MDGA2: variants seen among roughly 807,000 people sequenced by gnomAD.
The protein encoded by MDGA2 is MAM domain-containing glycosylphosphatidylinositol anchor protein 2.
Under a neutral mutation model 117.8 loss-of-function variants are expected in MDGA2, and 40 were observed. The ratio of observed to expected loss-of-function variants is 0.34; its 90% CI spans 0.26 to 0.44. The LOEUF (loss-of-function observed/expected upper bound fraction) is 0.44, where lower values mean the gene tolerates loss of function less well. Ranked by LOEUF, MDGA2 falls within the 20% of genes least tolerant of loss-of-function variation. The pLI, the probability that MDGA2 is intolerant of heterozygous loss-of-function variation, is 1.00. For missense variants in MDGA2, 1,123 were observed against 1,250.6 expected, an observed-to-expected ratio of 0.90 and a Z score of 1.54; for synonymous variants, 452 against 439.0, an observed-to-expected ratio of 1.03 and a Z score of -0.37.
At chr14:47,236,329 G>T (rs1357962372) in intron 2 of MDGA2, among the ~76,000 whole-genome samples, 2 of 150,624 alleles carry the variant, frequency 1.3e-5, no homozygotes, top group Non-Finnish European at 3.0e-5. Flanking sequence ...CTGTGGGGAG[G>T]CAAGAGTGTT....
At chr14:47,599,679 T>C (rs79863263) in intron 1 of MDGA2, among the ~76,000 whole-genome samples, 2 of 152,128 alleles carry the variant, frequency 1.3e-5, no homozygotes, top group South Asian at 2.1e-4. Context: ...TAAAAATAAG[T>C]GTGTCCCCAT....
In MDGA2 at chr14:47,467,088, T is replaced by C. The variant is rs566788805; in HGVS notation, c.281-165538A>G. Among the ~76,000 whole-genome samples the C allele has an allele frequency of 4.6e-5, 7 of 152,210 alleles. No individual in the cohort carries two copies. In the East Asian group the frequency reaches 1.4e-3, roughly 29 times the overall value. On this transcript the variant is annotated intron_variant, in intron 1 of 16. Transcript: ENST00000399232. ...AAGGAAGTAACTCTATTCTTTAAAATGGAACCAGAATCATAAATTACTACT... is the reference window on the plus strand; with the variant it reads ...AAGGAAGTAACTCTATTCTTTAAAACGGAACCAGAATCATAAATTACTACT...
intron 10 of MDGA2, among the ~76,000 whole-genome samples, chr14:46,911,725 C>T (rs1260344139): frequency 6.6e-6 from 1 of 152,150 alleles, no homozygotes; most frequent in Non-Finnish European, 1.5e-5. Flanking sequence ...GATCCCATGG[C>T]ATATTTCTGG....
At chr14:47,625,863 T>A (rs1157741590) in intron 1 of MDGA2, among the ~76,000 whole-genome samples, 1 of 152,222 alleles carries the variant, frequency 6.6e-6, no homozygotes, top group African/African-American at 2.4e-5. Flanking sequence ...TTAACCTTAA[T>A]CTCAGGAGCC....
At chr14:46,959,595 CTTTTA>C (rs763114923) in intron 8 of MDGA2, among the ~76,000 whole-genome samples, 52 of 151,748 alleles carry the variant, frequency 3.4e-4, no homozygotes, top group Middle Eastern at 6.9e-3. Context: ...TTATTTTGTA[CTTTTA>C]TTTTATTACA....
chr14:47,153,435 A>G (rs556390635), intron 3 of MDGA2, among the ~76,000 whole-genome samples: 15 of 152,258 alleles, frequency 9.9e-5, no homozygotes, highest in Middle Eastern at 3.4e-3. Context: ...ATGAAACGTA[A>G]AGAGAGAACT....
At chr14:47,590,735 C>A (rs1460750951) in intron 1 of MDGA2, among the ~76,000 whole-genome samples, 4 of 151,824 alleles carry the variant, frequency 2.6e-5, no homozygotes, top group African/African-American at 7.3e-5. Context: ...ACATTGTATG[C>A]CTGTATTGAA....
At chr14:46,845,602 A>G (rs1344889114) in intron 16 of MDGA2, among the ~76,000 whole-genome samples, 164 bp downstream of exon 16, 28 of 152,206 alleles carry the variant, frequency 1.8e-4, no homozygotes, top group Admixed American at 1.8e-3. Flanking sequence ...TGAATTTAAT[A>G]CTTTAAAAAT....
At chr14:47,276,243 A>C (rs559583440) in intron 2 of MDGA2, among the ~76,000 whole-genome samples, 191 of 152,304 alleles carry the variant, frequency 1.3e-3, no homozygotes, top group African/African-American at 4.5e-3. Context: ...AATCCAGTCT[A>C]TGAGGTGAAA....
chr14:46,966,004 C>T (rs1886016279), intron 8 of MDGA2, among the ~76,000 whole-genome samples: 1 of 151,778 alleles, frequency 6.6e-6, no homozygotes, highest in Non-Finnish European at 1.5e-5. Flanking sequence ...TTATATTATA[C>T]AAGTTTTTTC....
At chr14:47,177,832 T>G (rs2139356748) in intron 3 of MDGA2, among the ~76,000 whole-genome samples, 1 of 152,094 alleles carries the variant, frequency 6.6e-6, no homozygotes, top group African/African-American at 2.4e-5. Context: ...AGAAGAAATT[T>G]TATGTTAATT....
chr14:47,495,477 C>T (rs906265810), intron 1 of MDGA2, among the ~76,000 whole-genome samples: 1 of 152,094 alleles, frequency 6.6e-6, no homozygotes, highest in Admixed American at 6.5e-5. Flanking sequence ...GCTGCTTTTA[C>T]TTTATTTATA....
intron 3 of MDGA2, among the ~76,000 whole-genome samples, chr14:47,183,671 C>T (rs376124373): frequency 4.6e-5 from 7 of 151,988 alleles, no homozygotes; most frequent in East Asian, 3.8e-4. Context: ...CTAGGAATTG[C>T]GCAAAACATA....
At chr14:46,858,824 A>T (rs764709250) in intron 14 of MDGA2, among the ~76,000 whole-genome samples, 1 of 152,158 alleles carries the variant, frequency 6.6e-6, no homozygotes, top group Non-Finnish European at 1.5e-5. Context: ...ATGGCTATGA[A>T]TCATATATTC....
intron 2 of MDGA2, among the ~76,000 whole-genome samples, chr14:47,224,283 T>TGATA (rs1555364681): frequency 7.5e-6 from 1 of 134,078 alleles, no homozygotes; most frequent in East Asian, 2.1e-4. Context: ...CAATAGAGTC[T>TGATA]GATATAGATA....
At chr14:47,436,796 A>G (rs370239953) in intron 1 of MDGA2, among the ~76,000 whole-genome samples, 2 of 152,142 alleles carry the variant, frequency 1.3e-5, no homozygotes, top group East Asian at 3.9e-4. Flanking sequence ...CGGGTTGGAC[A>G]AGCTTGCAAT....
intron 2 of MDGA2, among the ~76,000 whole-genome samples, chr14:47,281,594 T>C (rs1396133340): frequency 6.6e-6 from 1 of 152,188 alleles, no homozygotes; most frequent in East Asian, 1.9e-4. Flanking sequence ...AATCTAGGTA[T>C]TGTCATACTG....
chr14:47,468,312 T>TA lies in MDGA2; in HGVS notation c.281-166763dup, dbSNP rs559140949. Among the ~76,000 whole-genome samples the TA allele has an allele frequency of 2.8e-3, 431 of 152,268 alleles. 1 individual carries two copies. Among genetic ancestry groups the TA allele is most frequent in the African/African-American group, 9.8e-3 (408 of 41,572 alleles). On this transcript the variant is annotated intron_variant, in intron 1 of 16. Coordinates refer to ENST00000399232, the MANE Select transcript of MDGA2 (RefSeq NM_001113498.3). ...GAATAGATTTCTTCTTTATGGGAGT[T>TA]AAAAACTGAATATAATTATGGCAGC...
intron 8 of MDGA2, among the ~76,000 whole-genome samples, chr14:46,958,015 A>G (rs1173813784): frequency 6.6e-6 from 1 of 151,946 alleles, no homozygotes; most frequent in Non-Finnish European, 1.5e-5. Context: ...TTCTTTTTTT[A>G]TTATGCAATG....
Sources: allele counts gnomAD v4.1 joint callset (sites outside exome capture counted in the v4.1 genomes callset), GRCh38; gene constraint gnomAD v4.1.1; transcripts MANE v1.5; gene names NCBI Gene and HGNC (gene_info 2026-07-23, HGNC 2026-07-21).